Variants in LEF1 observed in about 807,000 individuals in gnomAD.
LEF1 encodes the protein lymphoid enhancer binding factor 1, also known as lymphoid enhancer-binding factor 1.
A neutral mutation model predicts 51.2 loss-of-function variants in LEF1; 14 were observed. The observed-to-expected ratio is 0.27, with a 90% confidence interval of 0.18 to 0.43. The LOEUF (loss-of-function observed/expected upper bound fraction) is 0.43, where lower values mean the gene tolerates loss of function less well. LEF1 is among the 20% of genes least tolerant of loss of function. LEF1 has a pLI of 1.00. For synonymous variants in LEF1, 185 were observed against 183.2 expected, an observed-to-expected ratio of 1.01 and a Z score of -0.08; for missense variants, 386 against 512.0, an observed-to-expected ratio of 0.75 and a Z score of 2.37.
At chr4:108,161,222 A>C (rs1427008814) in intron 3 of LEF1, among the ~76,000 whole-genome samples, 1 of 152,174 alleles carries the variant, frequency 6.6e-6, no homozygotes, top group Non-Finnish European at 1.5e-5. Flanking sequence ...TAGGTATTAA[A>C]AACCAAAGAT....
intron 8 of LEF1, among the ~76,000 whole-genome samples, chr4:108,076,637 C>CA (rs1738881575): frequency 6.6e-6 from 1 of 152,218 alleles, no homozygotes; most frequent in African/African-American, 2.4e-5. Context: ...CTCGGCCTCT[C>CA]AAAGTGCTGA....
chr4:108,166,494 T>TC (rs1745402977), intron 1 of LEF1: 1 of 1,369,070 alleles, frequency 7.3e-7, no homozygotes, highest in Non-Finnish European at 9.4e-7. Flanking sequence ...CCAGAGGGTT[T>TC]CCCAGTTGTG....
chr4:108,166,743 C>T (rs915699704), intron 1 of LEF1: 10 of 988,794 alleles, frequency 1.0e-5, no homozygotes, highest in Non-Finnish European at 1.2e-5. Context: ...GCTGCTTCTC[C>T]GCCTTTCTTC....
chr4:108,165,242 C>A, intron 1 of LEF1, 79 bp from the exon 2 acceptor site: 1 of 1,336,598 alleles, frequency 7.5e-7, no homozygotes, highest in Non-Finnish European at 1.1e-6. Context: ...AATGTGTGTG[C>A]GCTGGTAATT....
intron 3 of LEF1, among the ~76,000 whole-genome samples, chr4:108,140,120 A>G (rs1743547467): frequency 6.6e-6 from 1 of 152,148 alleles, no homozygotes; most frequent in South Asian, 2.1e-4. Context: ...GGATTATCAA[A>G]ACCCCTAATT....
intron 3 of LEF1, among the ~76,000 whole-genome samples, chr4:108,133,835 T>C (rs919532508): frequency 6.6e-6 from 1 of 152,150 alleles, no homozygotes; most frequent in Admixed American, 6.6e-5. Context: ...CATCAGAAAA[T>C]AATCTCATTT....
intron 3 of LEF1, among the ~76,000 whole-genome samples, chr4:108,157,179 T>TATATACACAC (rs780217431): frequency 1.1e-3 from 133 of 116,788 alleles, no homozygotes; most frequent in Admixed American, 0.01. Context: ...TATATATATA[T>TATATACACAC]ACACACACAC....
chr4:108,094,541 C>G (rs569799349), intron 3 of LEF1, among the ~76,000 whole-genome samples: 2 of 152,214 alleles, frequency 1.3e-5, no homozygotes, highest in East Asian at 1.9e-4. Flanking sequence ...CTGGGAAGAA[C>G]TAAAAAGGTG....
chr4:108,159,148 A>G (rs1744914012), intron 3 of LEF1, among the ~76,000 whole-genome samples: 1 of 152,318 alleles, frequency 6.6e-6, no homozygotes, highest in South Asian at 2.1e-4. Context: ...GCACACTTAA[A>G]TAAGCAAACT....
intron 3 of LEF1, chr4:108,104,599 G>T: frequency 2.6e-6 from 2 of 776,632 alleles, no homozygotes; most frequent in Non-Finnish European, 3.1e-6. Context: ...TATAACCAGT[G>T]TCCAACCCAC....
intron 3 of LEF1, among the ~76,000 whole-genome samples, chr4:108,142,741 G>A (rs1285850297): frequency 1.3e-5 from 2 of 152,084 alleles, no homozygotes; most frequent in African/African-American, 2.4e-5. Context: ...TTTAATTGCT[G>A]CCTTTGAAAA....
At chr4:108,059,457 C>T (rs1314791566) in intron 11 of LEF1, among the ~76,000 whole-genome samples, 1 of 152,160 alleles carries the variant, frequency 6.6e-6, no homozygotes, top group Non-Finnish European at 1.5e-5. Flanking sequence ...GCTGGGACTA[C>T]AGGTGTGTGT....
intron 3 of LEF1, among the ~76,000 whole-genome samples, chr4:108,124,452 C>T (rs1252882909): frequency 2.0e-5 from 3 of 151,986 alleles, no homozygotes; most frequent in Admixed American, 6.6e-5. Context: ...TCACTGCAAC[C>T]TCCGCCTCCT....
intron 3 of LEF1, among the ~76,000 whole-genome samples, chr4:108,130,128 G>A (rs1742779684): frequency 6.6e-6 from 1 of 152,078 alleles, no homozygotes; most frequent in Non-Finnish European, 1.5e-5. Context: ...TTTAGGGTGA[G>A]CTAAAATAGC....
At chr4:108,121,847 C>A (rs1560805149) in intron 3 of LEF1, among the ~76,000 whole-genome samples, 1 of 152,224 alleles carries the variant, frequency 6.6e-6, no homozygotes. Flanking sequence ...TACCTGTTGG[C>A]TGCACATCAC....
intron 11 of LEF1, among the ~76,000 whole-genome samples, chr4:108,060,563 TG>T: frequency 6.6e-6 from 1 of 152,284 alleles, no homozygotes; most frequent in Non-Finnish European, 1.5e-5. Flanking sequence ...CTGTTCCCTT[TG>T]TCTTTCATTT....
chr4:108,088,230 T>C lies in LEF1; in HGVS notation c.547+895A>G, dbSNP rs576389721. On this transcript the variant is annotated intron_variant, in intron 4 of 11. Coordinates refer to ENST00000265165, the MANE Select transcript of LEF1 (RefSeq NM_016269.5). ...TTTTTCACACAGTCATTAAATTTTG[T>C]TGTCCATTGTAAGTCCCAGAAAGGG... 2.0e-5 allele frequency among the ~76,000 whole-genome samples: 3 copies of C among 152,368 alleles called. No individual in the cohort carries two copies. The East Asian group carries it at 5.8e-4, about 29-fold the overall frequency.
intron 3 of LEF1, among the ~76,000 whole-genome samples, chr4:108,147,184 A>G (rs970513263): frequency 3.4e-4 from 52 of 152,184 alleles, no homozygotes; most frequent in African/African-American, 1.2e-3. Context: ...TCAGGGATAC[A>G]TGGCTAGTCA....
chr4:108,166,820 A>C (rs1745428233), intron 1 of LEF1: 1 of 985,694 alleles, frequency 1.0e-6, no homozygotes, highest in Admixed American at 6.1e-5. Context: ...TTTCCAAGTG[A>C]TGGCGGTTGG....
Sources: allele counts gnomAD v4.1 joint callset (sites outside exome capture counted in the v4.1 genomes callset), GRCh38; gene constraint gnomAD v4.1.1; transcripts MANE v1.5; gene names NCBI Gene and HGNC (gene_info 2026-07-23, HGNC 2026-07-21).